The following NXPE2 variants were observed in gnomAD, a reference collection of about 807,000 sequenced individuals.
The protein encoded by NXPE2 is neurexophilin and PC-esterase domain family member 2.
NXPE2 carries 34 observed loss-of-function variants against 34.4 expected under a neutral mutation model. That is an observed-to-expected ratio of 0.99 (90% CI 0.75 to 1.31). NXPE2 has a LOEUF of 1.31. NXPE2 is among the 40% of genes most tolerant of loss of function. NXPE2 has a pLI of 0.00. For synonymous variants in NXPE2, 235 were observed against 231.3 expected, an observed-to-expected ratio of 1.02 and a Z score of -0.15; for missense variants, 649 against 672.5, an observed-to-expected ratio of 0.97 and a Z score of 0.39.
At chr11:114,604,884 G>A in the NXPE2 span, among the ~76,000 whole-genome samples, 6 of 151,876 alleles carry the variant, frequency 4.0e-5, no homozygotes, top group Admixed American at 3.9e-4. Context: ...GTTGCCTCAC[G>A]GGTAACCACT....
the NXPE2 span, among the ~76,000 whole-genome samples, chr11:114,656,696 A>G: frequency 6.6e-6 from 1 of 152,190 alleles, no homozygotes; most frequent in African/African-American, 2.4e-5. Flanking sequence ...AAAAATAGGC[A>G]AGCAGAGAGC....
chr11:114,704,410 G>T (rs958754163), intron 4 of NXPE2, among the ~76,000 whole-genome samples: 1 of 152,172 alleles, frequency 6.6e-6, no homozygotes, highest in African/African-American at 2.4e-5. Flanking sequence ...CAGATTCAGA[G>T]TTAGGACATT....
At chr11:114,502,928 G>C in the NXPE2 span, among the ~76,000 whole-genome samples, 1 of 152,110 alleles carries the variant, frequency 6.6e-6, no homozygotes, top group African/African-American at 2.4e-5. Context: ...TTAGCCACTG[G>C]GAGTGGCTAG....
upstream of NXPE2, chr11:114,678,441 G>A (rs547118600): frequency 9.2e-6 from 6 of 652,172 alleles, no homozygotes; most frequent in Middle Eastern, 3.5e-4. Context: ...CAGCTGGCAC[G>A]CTGTGGCCAC....
the NXPE2 span, among the ~76,000 whole-genome samples, chr11:114,578,420 C>G: frequency 6.6e-6 from 1 of 152,138 alleles, no homozygotes; most frequent in African/African-American, 2.4e-5. Context: ...AAGAGAATCA[C>G]TGTTACAGAA....
At chr11:114,805,736 C>T in the NXPE2 span, among the ~76,000 whole-genome samples, 2 of 152,196 alleles carry the variant, frequency 1.3e-5, no homozygotes, top group Non-Finnish European at 2.9e-5. Context: ...CTCAAGGAGG[C>T]CTGCCTGCCT....
At chr11:114,502,721 C>T in the NXPE2 span, among the ~76,000 whole-genome samples, 2 of 152,218 alleles carry the variant, frequency 1.3e-5, no homozygotes, top group Non-Finnish European at 1.5e-5. Context: ...TCCATGAAAT[C>T]CTTCTATTTT....
At chr11:114,765,492 C>CAAAAGT in the NXPE2 span, among the ~76,000 whole-genome samples, 116 of 152,250 alleles carry the variant, frequency 7.6e-4, no homozygotes, top group Admixed American at 2.4e-3. Context: ...ATGGTATAAA[C>CAAAAGT]ATAACTTTTG....
the NXPE2 span, among the ~76,000 whole-genome samples, chr11:114,602,184 A>G: frequency 1.8e-5 from 2 of 108,390 alleles, no homozygotes; most frequent in African/African-American, 7.6e-5. Context: ...TACTATATAC[A>G]TTATATATAA....
the NXPE2 span, among the ~76,000 whole-genome samples, chr11:114,746,382 C>T: frequency 6.6e-6 from 1 of 152,098 alleles, no homozygotes; most frequent in Non-Finnish European, 1.5e-5. Context: ...TAAAACACCT[C>T]GTAGAAGTCA....
chr11:114,700,298 T>C (rs1951341341), intron 3 of NXPE2, among the ~76,000 whole-genome samples: 1 of 152,204 alleles, frequency 6.6e-6, no homozygotes, highest in Admixed American at 6.5e-5. Flanking sequence ...CTCTTTAACA[T>C]GAAGGTCATA....
At chr11:114,535,523 GTAT>G in the NXPE2 span, among the ~76,000 whole-genome samples, 1 of 152,246 alleles carries the variant, frequency 6.6e-6, no homozygotes, top group East Asian at 1.9e-4. Flanking sequence ...TCAGTGTGCT[GTAT>G]TCAGGAAACC....
At chr11:114,768,902 A>G in the NXPE2 span, among the ~76,000 whole-genome samples, 4 of 152,202 alleles carry the variant, frequency 2.6e-5, no homozygotes, top group Non-Finnish European at 4.4e-5. Flanking sequence ...GGCATGGGCA[A>G]AGACTTCATG....
chr11:114,806,745 G>C, the NXPE2 span, among the ~76,000 whole-genome samples: 1 of 151,662 alleles, frequency 6.6e-6, no homozygotes, highest in Non-Finnish European at 1.5e-5. Context: ...GGGGAGAATG[G>C]AACCAAGTTG....
the NXPE2 span, among the ~76,000 whole-genome samples, chr11:114,517,432 G>A: frequency 6.6e-6 from 1 of 152,076 alleles, no homozygotes; most frequent in African/African-American, 2.4e-5. Context: ...GTGCTACTCT[G>A]TTTTATTTTG....
At chr11:114,662,993 T>C in the NXPE2 span, among the ~76,000 whole-genome samples, 1 of 152,248 alleles carries the variant, frequency 6.6e-6, no homozygotes, top group African/African-American at 2.4e-5. Flanking sequence ...ACAAGCAGCC[T>C]CTTGAGGTCC....
chr11:114,575,136 C>T, the NXPE2 span, among the ~76,000 whole-genome samples: 1 of 151,950 alleles, frequency 6.6e-6, no homozygotes, highest in Non-Finnish European at 1.5e-5. Context: ...TTGAGAAAAT[C>T]CAGCATCCAT....
At chr11:114,785,290 A>G in the NXPE2 span, among the ~76,000 whole-genome samples, 1 of 152,134 alleles carries the variant, frequency 6.6e-6, no homozygotes, top group African/African-American at 2.4e-5. Context: ...GCAGTTGAGG[A>G]AACTGAGGCC....
At chr11:114,470,452 A>G in the NXPE2 span, among the ~76,000 whole-genome samples, 438 of 152,232 alleles carry the variant, frequency 2.9e-3, no homozygotes, top group African/African-American at 0.01. Context: ...CAAATGACTG[A>G]TGATGTTGAG....
Sources: allele counts gnomAD v4.1 joint callset (sites outside exome capture counted in the v4.1 genomes callset), GRCh38; gene constraint gnomAD v4.1.1; transcripts MANE v1.5; gene names NCBI Gene and HGNC (gene_info 2026-07-23, HGNC 2026-07-21).